Variants in HSP90AB1 observed in about 807,000 individuals in gnomAD.
HSP90AB1 encodes heat shock protein 90 alpha family class B member 1.
In HSP90AB1, 17 loss-of-function variants were observed where a neutral mutation model predicts 67.8. The observed-to-expected ratio is 0.25, with a 90% CI of 0.17 to 0.38. The LOEUF is 0.38. Ranked by LOEUF, HSP90AB1 falls within the 10% of genes least tolerant of loss-of-function variation. The pLI, the probability that HSP90AB1 is intolerant of heterozygous loss-of-function variation, is 1.00. For missense variants in HSP90AB1, 690 were observed against 899.9 expected (o/e 0.77, Z 2.98); for synonymous variants, 390 against 312.9 (o/e 1.25, Z -2.60).
chr6:44,249,247 G>A, intron 2 of HSP90AB1, 130 bp from the exon 3 acceptor site: 1 of 698,070 alleles, frequency 1.4e-6, no homozygotes, highest in South Asian at 1.7e-5. Flanking sequence ...CTGGGGTTGG[G>A]AGGATGGCTC....
intron 9 of HSP90AB1, 23 bp downstream of exon 9, chr6:44,251,907 C>G: frequency 1.9e-6 from 3 of 1,613,438 alleles, no homozygotes; most frequent in Non-Finnish European, 2.5e-6. Context: ...TGATTGAAGC[C>G]TTTTTGGAGG....
Position 44,253,170 on chromosome 6 carries a change from T to C in HSP90AB1, c.1857T>C (p.Tyr619=), listed in dbSNP as rs1582990648. 2 of 1,614,168 alleles carry C rather than the reference T, an allele frequency of 1.2e-6. No individual in the cohort carries two copies. Among genetic ancestry groups the C allele is most frequent in the South Asian group, 1.1e-5 (1 of 91,084 alleles). ...TTCGGGACAACTCCACCATGGGCTA[T>C]ATGATGGCCAAAAAGCACCTGGAGA... ...QALRDNSTMG[Y]MMAKKHLEIN... is the part of the protein sequence containing the mutation. The change falls in exon 11 of 12, where the codon TAT becomes TAC. Residue 619 remains tyrosine, a synonymous_variant. Coordinates refer to ENST00000371646, the MANE Select transcript of HSP90AB1 (RefSeq NM_007355.4).
Position 44,251,758 on chromosome 6 carries a change from A to G in HSP90AB1, c.1336A>G (p.Thr446Ala), listed in dbSNP as rs779276201. ...CAAGCTTGGAATCCACGAAGACTCC[A>G]CTAACCGCCGCCGCCTGTCTGAGCT... ...NLKLGIHEDS[T>A]NRRRLSELLR... The change falls in exon 9 of 12, where the codon ACT (threonine) becomes GCT (alanine). Residue 446 changes from threonine to alanine, a missense_variant. This residue lies in a region of HSP90AB1 where 206 missense variants were observed against 221.4 expected (regional missense o/e 0.93). Coordinates refer to ENST00000371646, the MANE Select transcript of HSP90AB1 (RefSeq NM_007355.4). 1.2e-5 allele frequency: 19 copies of G among 1,613,620 alleles called. No homozygotes were observed. Among genetic ancestry groups the G allele is most frequent in the Admixed American group, 6.7e-5 (4 of 59,990 alleles).
At chr6:44,252,747 C>T (rs924518358) in intron 10 of HSP90AB1, among the ~76,000 whole-genome samples, 3 of 151,580 alleles carry the variant, frequency 2.0e-5, no homozygotes, top group South Asian at 2.1e-4. Flanking sequence ...TCGCCCACCT[C>T]GGCCTCCCAA....
chr6:44,247,080 G>T (rs891944769), upstream of HSP90AB1: 1 of 152,188 alleles, frequency 6.6e-6, no homozygotes, highest in African/African-American at 2.4e-5. Flanking sequence ...TATATAGGGC[G>T]ACTTGGGGCA....
In HSP90AB1 at chr6:44,248,789, G is replaced by C; in HGVS notation, c.147+13G>C. Reference sequence around the variant, plus strand: ...TAATGCTTCTGATGTAGGTGCTCTGGTTTCCACATTTGGCATGGTTTTTTT... The same window carrying C: ...TAATGCTTCTGATGTAGGTGCTCTGCTTTCCACATTTGGCATGGTTTTTTT... On this transcript the variant is annotated intron_variant, in intron 2 of 11. Coordinates refer to ENST00000371646, the MANE Select transcript of HSP90AB1 (RefSeq NM_007355.4). 1.3e-6 allele frequency: 2 copies of C among 1,579,228 alleles called. No homozygotes were observed. The highest frequency in any genetic ancestry group is 1.7e-6 in the Non-Finnish European group (2 of 1,170,770).
Position 44,253,176 on chromosome 6 carries a change from G to C in HSP90AB1, c.1863G>C (p.Met621Ile). Residue 621 changes from methionine to isoleucine, a missense_variant, in exon 11 of 12, where the codon ATG (methionine) becomes ATC (isoleucine). Transcript: ENST00000371646. Reference sequence around the variant, plus strand: ...ACAACTCCACCATGGGCTATATGATGGCCAAAAAGCACCTGGAGATCAACC... The same window carrying C: ...ACAACTCCACCATGGGCTATATGATCGCCAAAAAGCACCTGGAGATCAACC... Reference protein sequence around the residue: ...LRDNSTMGYMMAKKHLEINPD... With the variant: ...LRDNSTMGYMIAKKHLEINPD... 6.2e-7 allele frequency: 1 copy of C among 1,614,172 alleles called. No homozygotes were observed. The highest frequency in any genetic ancestry group is 8.5e-7 in the Non-Finnish European group (1 of 1,180,020).
chr6:44,250,938 G>T, intron 6 of HSP90AB1, 110 bp from the exon 7 acceptor site: 1 of 936,288 alleles, frequency 1.1e-6, no homozygotes, highest in Non-Finnish European at 1.7e-6. Flanking sequence ...TGTTGTGTGT[G>T]CTCTATCCCT....
intron 2 of HSP90AB1, 74 bp from the exon 3 acceptor site, chr6:44,249,298 CCACTG>C: frequency 8.6e-7 from 1 of 1,166,358 alleles, no homozygotes; most frequent in Non-Finnish European, 1.3e-6. Flanking sequence ...GTCATCCTTG[CCACTG>C]CACTGTAGCT....
chr6:44,248,649 A>G lies in HSP90AB1; in HGVS notation c.20A>G (p.His7Arg), dbSNP rs781628702. The G allele has an allele frequency of 3.7e-6, 6 of 1,612,700 alleles. No homozygotes were observed. The South Asian group carries it at 4.4e-5, about 12-fold the overall frequency. ...TTTTAGATGCCTGAGGAAGTGCACC[A>G]TGGAGAGGAGGAGGTGGAGACTTTT... The part of the protein sequence containing the change: MPEEVH[H>R]GEEEVETFAF... The change falls in exon 2 of 12, where the codon CAT (histidine) becomes CGT (arginine). Residue 7 changes from histidine (H) to arginine (R), a missense_variant. Transcript: ENST00000371646.
chr6:44,248,878 G>C, intron 2 of HSP90AB1, 102 bp downstream of exon 2: 1 of 1,022,948 alleles, frequency 9.8e-7, no homozygotes, highest in South Asian at 1.5e-5. Context: ...ACTATTGAAG[G>C]GGGTAAACTT....
Position 44,251,107 on chromosome 6 carries a change from T to C in HSP90AB1, c.1017T>C (p.Ala339=). 1.2e-6 allele frequency: 2 copies of C among 1,614,162 alleles called. No individual in the cohort carries two copies. Among genetic ancestry groups the C allele is most frequent in the Non-Finnish European group, 1.7e-6 (2 of 1,179,992 alleles). ...FRALLFIPRR[A]PFDLFENKKK... is the part of the protein sequence containing the mutation. ...CATTGCTATTTATTCCTCGTCGGGC[T>C]CCCTTTGACCTTTTTGAGAACAAGA... is the stretch of plus-strand genomic sequence containing the variant. The change falls in exon 7 of 12, where the codon GCT becomes GCC. Residue 339 remains alanine, a synonymous_variant. Transcript: ENST00000371646.
In HSP90AB1 at chr6:44,250,564, C is replaced by T. The variant is rs1561899520; in HGVS notation, c.922C>T (p.Leu308Phe). The change falls in exon 6 of 12, where the codon CTC (leucine) becomes TTC (phenylalanine). Residue 308 changes from leucine (L) to phenylalanine (F), a missense_variant. By Grantham distance (22) the Leu-to-Phe change is conservative. This residue lies in a region of HSP90AB1 where 101 missense variants were observed against 174.8 expected (regional missense o/e 0.58). Coordinates refer to ENST00000371646, the MANE Select transcript of HSP90AB1 (RefSeq NM_007355.4). Reference sequence around the variant, plus strand: ...GGAGTATGGAGAATTCTACAAGAGCCTCACTAATGACTGGGAAGACCACTT... The same window carrying T: ...GGAGTATGGAGAATTCTACAAGAGCTTCACTAATGACTGGGAAGACCACTT... ...QEEYGEFYKSLTNDWEDHLAV... is the reference protein window; with the variant it reads ...QEEYGEFYKSFTNDWEDHLAV... 1 of 1,612,930 alleles carries T rather than the reference C, an allele frequency of 6.2e-7. No homozygotes were observed. The highest frequency in any genetic ancestry group is 8.5e-7 in the Non-Finnish European group (1 of 1,179,210).
rs1257229264 is a variant in HSP90AB1, at chr6:44,250,288, T to C, written c.649-3T>C. ...AAGGCTAACTTCTGTTTTTGTTACT[T>C]AGTTGGAGAAGGAACGAGAGAAGGA... On this transcript the variant is annotated splice_region_variant and splice_polypyrimidine_tract_variant and intron_variant, in intron 5 of 11. Transcript: ENST00000371646. The C allele has an allele frequency of 1.2e-6, 2 of 1,612,440 alleles. No individual in the cohort carries two copies. Among genetic ancestry groups the C allele is most frequent in the African/African-American group, 2.7e-5 (2 of 74,680 alleles).
At chr6:44,252,911 G>A (rs1288333821) in intron 10 of HSP90AB1, 134 bp from the exon 11 acceptor site, 2 of 653,344 alleles carry the variant, frequency 3.1e-6, no homozygotes, top group Non-Finnish European at 5.3e-6. Flanking sequence ...ACAGGGTTTT[G>A]CCATGTTGGC....
intron 1 of HSP90AB1, among the ~76,000 whole-genome samples, chr6:44,247,449 G>A (rs1302332900): frequency 6.6e-6 from 1 of 152,120 alleles, no homozygotes; most frequent in Non-Finnish European, 1.5e-5. Flanking sequence ...TGGGGTTGGG[G>A]CAGTGGGCGG....
chr6:44,253,419 A>C, intron 11 of HSP90AB1, 41 bp downstream of exon 11: 1 of 1,602,788 alleles, frequency 6.2e-7, no homozygotes, highest in Non-Finnish European at 8.5e-7. Flanking sequence ...GAGTTTGTGC[A>C]ACTCGTCTCC....
rs891954128 is a variant in HSP90AB1, at chr6:44,250,377, A to G, written c.735A>G (p.Glu245=). Residue 245 remains glutamate (E), a synonymous_variant, in exon 6 of 12, where the codon GAA becomes GAG. Coordinates refer to ENST00000371646, the MANE Select transcript of HSP90AB1 (RefSeq NM_007355.4). ...GEKEEEDKDD[E]EKPKIEDVGS... ...AAGAAGAGGAAGATAAAGATGATGA[A>G]GAAAAACCCAAGATCGAAGATGTGG... The G allele has an allele frequency of 1.2e-6, 2 of 1,613,818 alleles. No homozygotes were observed. The highest frequency in any genetic ancestry group is 1.7e-6 in the Non-Finnish European group (2 of 1,179,786).
intron 1 of HSP90AB1, 149 bp from the exon 2 acceptor site, chr6:44,248,481 G>T (rs997570518): frequency 1.7e-5 from 10 of 597,856 alleles, no homozygotes; most frequent in African/African-American, 3.7e-5. Flanking sequence ...ATCTTTAAGA[G>T]AATGCATTTT....
Sources: allele counts gnomAD v4.1 joint callset (sites outside exome capture counted in the v4.1 genomes callset), GRCh38; gene constraint gnomAD v4.1.1; regional missense constraint gnomAD v4.1.1; transcripts MANE v1.5; gene names NCBI Gene and HGNC (gene_info 2026-07-23, HGNC 2026-07-21).